FBN1: variants seen among roughly 807,000 people sequenced by gnomAD.
The protein encoded by FBN1 is fibrillin-1.
In FBN1, 29 loss-of-function variants were observed where a neutral mutation model predicts 365.1. The ratio of observed to expected loss-of-function variants is 0.08; its 90% confidence interval spans 0.06 to 0.11. The LOEUF (loss-of-function observed/expected upper bound fraction) is 0.11. Ranked by LOEUF, FBN1 falls within the 10% of genes least tolerant of loss-of-function variation. FBN1 has a pLI of 1.00. For missense variants in FBN1, 2,476 were observed against 3,703.2 expected (o/e 0.67, Z 8.60); for synonymous variants, 1,210 against 1,270.5 (o/e 0.95, Z 1.01).
At chr15:48,457,812 A>G (rs915505043) in intron 43 of FBN1, among the ~76,000 whole-genome samples, 11 of 152,124 alleles carry the variant, frequency 7.2e-5, no homozygotes, top group Admixed American at 6.5e-4. Flanking sequence ...TAACTAAGAG[A>G]TGAAGCAAGT....
intron 6 of FBN1, among the ~76,000 whole-genome samples, chr15:48,571,543 AAAG>A (rs1378202928): frequency 2.0e-5 from 3 of 152,186 alleles, no homozygotes; most frequent in African/African-American, 7.2e-5. Flanking sequence ...TATTTAAAGT[AAAG>A]AAGATTAAAA....
intron 2 of FBN1, 105 bp downstream of exon 2, chr15:48,644,501 G>A: frequency 6.6e-7 from 1 of 1,525,960 alleles, no homozygotes; most frequent in Non-Finnish European, 9.0e-7. Context: ...GGTGCCCCCA[G>A]GAGGTCTTGC....
intron 63 of FBN1, 72 bp from the exon 64 acceptor site, chr15:48,415,839 A>G: frequency 7.6e-7 from 1 of 1,318,364 alleles, no homozygotes; most frequent in South Asian, 1.2e-5. Flanking sequence ...GGATCTGGCC[A>G]CTTGCTGCCG....
At chr15:48,496,326 C>CA in intron 19 of FBN1, 101 bp from the exon 20 acceptor site, 1 of 1,485,394 alleles carries the variant, frequency 6.7e-7, no homozygotes, top group Non-Finnish European at 9.3e-7. Flanking sequence ...ACGACGTGAT[C>CA]AATTCAAGCA....
At chr15:48,492,320 G>T in intron 24 of FBN1, 141 bp downstream of exon 24, 1 of 725,662 alleles carries the variant, frequency 1.4e-6, no homozygotes, top group Non-Finnish European at 2.4e-6. Context: ...TCAAAGGAGT[G>T]GCCATGGACC....
rs145046234 is a variant in FBN1, at chr15:48,573,818, A to G, written c.538+22465T>C. On this transcript the variant is annotated intron_variant, in intron 6 of 65. Transcript: ENST00000316623. ...TCAAGAGACCCTGGGCAGTACCATC[A>G]AAGAACTCTTCTCTGATGAGGGTAG... 2.6e-3 allele frequency among the ~76,000 whole-genome samples: 402 copies of G among 152,348 alleles called. 2 individuals carry two copies. Among genetic ancestry groups the G allele is most frequent in the African/African-American group, 9.3e-3 (388 of 41,574 alleles).
intron 6 of FBN1, among the ~76,000 whole-genome samples, chr15:48,539,907 A>G (rs1407764232): frequency 6.6e-6 from 1 of 152,200 alleles, no homozygotes; most frequent in African/African-American, 2.4e-5. Flanking sequence ...GATTTATTCA[A>G]AACCTGCTAT....
At chr15:48,560,069 C>G (rs1348194385) in intron 6 of FBN1, among the ~76,000 whole-genome samples, 1 of 152,174 alleles carries the variant, frequency 6.6e-6, no homozygotes, top group Non-Finnish European at 1.5e-5. Flanking sequence ...AAAGGCGACT[C>G]AAATTGCTAC....
At chr15:48,462,799 G>T (rs960132521) in intron 42 of FBN1, among the ~76,000 whole-genome samples, 1 of 152,172 alleles carries the variant, frequency 6.6e-6, no homozygotes, top group African/African-American at 2.4e-5. Context: ...GATACATGAA[G>T]AATTCAGTAA....
Position 48,467,847 on chromosome 15 carries a change from T to C in FBN1, c.4747+91A>G. ...GCTGAGAGGACTGATCTTTCTTCTCTGATCTAAGAGTAGAAAAGGTTTGTC... is the reference window on the plus strand; with the variant it reads ...GCTGAGAGGACTGATCTTTCTTCTCCGATCTAAGAGTAGAAAAGGTTTGTC... On this transcript the variant is annotated intron_variant, in intron 38 of 65. Transcript: ENST00000316623. 2.5e-6 allele frequency: 3 copies of C among 1,182,702 alleles called. No individual in the cohort carries two copies. In the South Asian group the frequency reaches 3.7e-5, roughly 14 times the overall value. 73.3% of individuals were successfully genotyped at this position (1,182,702 alleles called of 1,614,324 possible).
At chr15:48,631,995 T>C (rs1050274878) in intron 2 of FBN1, among the ~76,000 whole-genome samples, 4 of 152,234 alleles carry the variant, frequency 2.6e-5, no homozygotes, top group African/African-American at 9.6e-5. Flanking sequence ...TTGACAGATC[T>C]GCCAGTTAAA....
Position 48,513,650 on chromosome 15 carries a change from T to G in FBN1, c.1487A>C (p.Lys496Thr). 1.2e-6 allele frequency: 2 copies of G among 1,614,036 alleles called. No homozygotes were observed. The highest frequency in any genetic ancestry group is 1.7e-6 in the Non-Finnish European group (2 of 1,179,920). Reference sequence around the variant, plus strand: ...ACACTCACCACCAGCACAGGGGTTTTTCTCACATTCATCAACATCTGCAAA... The same window carrying G: ...ACACTCACCACCAGCACAGGGGTTTGTCTCACATTCATCAACATCTGCAAA... ...GECIDVDECE[K>T]NPCAGGECIN... is the part of the protein sequence containing the mutation. Residue 496 changes from lysine to threonine, a missense_variant, in exon 13 of 66, where the codon AAA (lysine) becomes ACA (threonine). By Grantham distance (78) the Lys-to-Thr change is moderately conservative (BLOSUM62 -1). Coordinates refer to ENST00000316623, the MANE Select transcript of FBN1 (RefSeq NM_000138.5).
At chr15:48,502,297 TG>T (rs2043667404) in intron 17 of FBN1, among the ~76,000 whole-genome samples, 1 of 152,198 alleles carries the variant, frequency 6.6e-6, no homozygotes, top group Non-Finnish European at 1.5e-5. Flanking sequence ...ACACCTGCCT[TG>T]GCCTCCCATA....
At chr15:48,568,084 G>GAAAA (rs1447250769) in intron 6 of FBN1, among the ~76,000 whole-genome samples, 1 of 130,656 alleles carries the variant, frequency 7.7e-6, no homozygotes, top group Non-Finnish European at 1.6e-5. Context: ...AAGAAAGAAA[G>GAAAA]ACTATCTTTA....
chr15:48,436,771 C>T (rs941021099), intron 53 of FBN1, among the ~76,000 whole-genome samples, 190 bp downstream of exon 53: 4 of 152,164 alleles, frequency 2.6e-5, no homozygotes, highest in Admixed American at 1.3e-4. Flanking sequence ...AGTGCTGCAG[C>T]TCCAGAGCCT....
rs370796054 is a variant in FBN1, at chr15:48,463,770, C to G, written c.5065+129G>C. On this transcript the variant is annotated intron_variant, in intron 41 of 65. Transcript: ENST00000316623. Reference sequence around the variant, plus strand: ...GATTTATAGGGGAAGAGTCTCCTAACAAGACAGTGAAGGGATGCCAGCACT... The same window carrying G: ...GATTTATAGGGGAAGAGTCTCCTAAGAAGACAGTGAAGGGATGCCAGCACT... 5.6e-5 allele frequency: 60 copies of G among 1,065,418 alleles called. No homozygotes were observed. The African/African-American group carries it at 8.6e-4, about 15-fold the overall frequency. The allele number at this position is 1,065,418 out of a possible 1,614,324, so 66.0% of individuals were successfully genotyped here. A position where few individuals can be genotyped will look rare whatever the true frequency, so the allele number is the denominator to read the frequency against.
chr15:48,448,750 T>C lies in FBN1; in HGVS notation c.5671+18A>G. 2 of 1,609,788 alleles carry C rather than the reference T, an allele frequency of 1.2e-6. No individual in the cohort carries two copies. The highest frequency in any genetic ancestry group is 1.7e-6 in the Non-Finnish European group (2 of 1,177,518). On this transcript the variant is annotated intron_variant, in intron 46 of 65. Coordinates refer to ENST00000316623, the MANE Select transcript of FBN1 (RefSeq NM_000138.5). ...TTTCAACAGCATATGAAAAAAATAA[T>C]AATAATTGCATACTTACCCAAGCAC... is the stretch of plus-strand genomic sequence containing the variant.
At chr15:48,504,924 A>AT in intron 16 of FBN1, 101 bp downstream of exon 16, 1 of 1,482,008 alleles carries the variant, frequency 6.7e-7, no homozygotes, top group Non-Finnish European at 9.4e-7. Context: ...AATATTCTTT[A>AT]TATCTTATCT....
intron 8 of FBN1, among the ~76,000 whole-genome samples, chr15:48,530,171 G>A (rs1318505393): frequency 7.2e-6 from 1 of 138,756 alleles, no homozygotes; most frequent in Non-Finnish European, 1.6e-5. Context: ...TATCCATGCT[G>A]CATCCGCCGC....
Sources: gnomAD v4.1 joint callset for allele counts (sites outside exome capture counted in the v4.1 genomes callset) on GRCh38, gnomAD v4.1.1 for gene constraint, MANE v1.5 for transcripts, NCBI Gene and HGNC (gene_info 2026-07-23, HGNC 2026-07-21) for gene names.